MRAS: variants seen among roughly 807,000 people sequenced by gnomAD.
MRAS encodes muscle RAS oncogene homolog, also known as ras-related protein M-Ras.
A neutral mutation model predicts 20.9 loss-of-function variants in MRAS; 4 were observed. The observed-to-expected ratio is 0.19, with a 90% CI of 0.09 to 0.44. The LOEUF is 0.44. MRAS is among the 20% of genes least tolerant of loss of function. MRAS has a pLI of 0.99. For missense variants in MRAS, 154 were observed against 277.5 expected (o/e 0.56, Z 3.16); for synonymous variants, 98 against 102.9 (o/e 0.95, Z 0.29).
chr3:138,387,482 G>A (rs1276382043), intron 2 of MRAS, among the ~76,000 whole-genome samples: 1 of 152,184 alleles, frequency 6.6e-6, no homozygotes, highest in African/African-American at 2.4e-5. Context: ...AGACGGGCAT[G>A]GGTTCAAATC....
intron 1 of MRAS, among the ~76,000 whole-genome samples, chr3:138,370,069 C>T (rs1303640028): frequency 6.6e-6 from 1 of 152,188 alleles, no homozygotes; most frequent in Non-Finnish European, 1.5e-5. Flanking sequence ...CCTGTAATCC[C>T]AGCACTTTGG....
intron 2 of MRAS, among the ~76,000 whole-genome samples, chr3:138,384,625 G>A (rs147673394): frequency 5.9e-5 from 9 of 152,116 alleles, no homozygotes; most frequent in South Asian, 2.1e-4. Flanking sequence ...AGAAGTCAGG[G>A]TGGCAGCTGG....
intron 2 of MRAS, among the ~76,000 whole-genome samples, chr3:138,395,142 G>A (rs1285973299): frequency 6.6e-6 from 1 of 152,052 alleles, no homozygotes; most frequent in Non-Finnish European, 1.5e-5. Context: ...CTGGGTTCAA[G>A]TGATTCTCCT....
At chr3:138,382,489 G>A (rs1168278305) in intron 2 of MRAS, among the ~76,000 whole-genome samples, 1 of 152,220 alleles carries the variant, frequency 6.6e-6, no homozygotes, top group Admixed American at 6.5e-5. Context: ...TGCAGCCAGT[G>A]TACCTCAGTA....
intron 1 of MRAS, among the ~76,000 whole-genome samples, chr3:138,367,156 A>G (rs747339890): frequency 1.3e-4 from 20 of 152,072 alleles, no homozygotes; most frequent in Non-Finnish European, 2.4e-4. Context: ...GGGGCAAGGA[A>G]ATGGTTTAAA....
At chr3:138,372,842 A>C (rs2054703042) in intron 1 of MRAS, 24 bp from the exon 2 acceptor site, 1 of 1,467,182 alleles carries the variant, frequency 6.8e-7, no homozygotes, top group African/African-American at 1.5e-5. Flanking sequence ...CCTCTGTCTC[A>C]TTCCACATGT....
At chr3:138,385,366 C>T (rs1050218012) in intron 2 of MRAS, among the ~76,000 whole-genome samples, 1 of 150,666 alleles carries the variant, frequency 6.6e-6, no homozygotes, top group African/African-American at 2.4e-5. Context: ...AGACTGGTCT[C>T]AAACTCCAGG....
intron 2 of MRAS, among the ~76,000 whole-genome samples, chr3:138,391,393 C>A (rs1355500892): frequency 1.3e-5 from 2 of 152,102 alleles, no homozygotes; most frequent in African/African-American, 2.4e-5. Flanking sequence ...TGGCTAGATT[C>A]TCTTATACTC....
In MRAS at chr3:138,371,489, G is replaced by A. The variant is rs150060943; in HGVS notation, c.-18-1377G>A. ...CCCAAGTAGCGGCGGAGCACACAGG[G>A]CACCCAGTTCTTTGTCCTCCCTGCC... On this transcript the variant is annotated intron_variant, in intron 1 of 5. Transcript: ENST00000423968. Among the ~76,000 whole-genome samples, 114 of 152,270 alleles carry A rather than the reference G, an allele frequency of 7.5e-4. 1 individual carries two copies. In the East Asian group the frequency reaches 0.018, roughly 23 times the overall value.
At chr3:138,361,757 G>T (rs1222944483) in intron 1 of MRAS, among the ~76,000 whole-genome samples, 2 of 152,308 alleles carry the variant, frequency 1.3e-5, no homozygotes, top group East Asian at 3.9e-4. Flanking sequence ...GTGTGCAGAG[G>T]CTGGCCTTCC....
chr3:138,354,060 G>A (rs771330662), intron 1 of MRAS, among the ~76,000 whole-genome samples: 1 of 152,182 alleles, frequency 6.6e-6, no homozygotes, highest in African/African-American at 2.4e-5. Flanking sequence ...GTGGGCAAAG[G>A]CCTCATGAGG....
intron 1 of MRAS, among the ~76,000 whole-genome samples, chr3:138,367,134 A>T (rs778315253): frequency 3.3e-5 from 5 of 152,096 alleles, no homozygotes; most frequent in Non-Finnish European, 7.3e-5. Context: ...GCCCTTCCCT[A>T]GGGCTGTGGA....
chr3:138,364,162 A>G (rs1054123524), intron 1 of MRAS, among the ~76,000 whole-genome samples: 1 of 152,130 alleles, frequency 6.6e-6, no homozygotes, highest in Non-Finnish European at 1.5e-5. Flanking sequence ...CTGAGCCCCC[A>G]CACACATATC....
At chr3:138,373,515 T>C (rs1220768170) in intron 2 of MRAS, among the ~76,000 whole-genome samples, 1 of 152,228 alleles carries the variant, frequency 6.6e-6, no homozygotes, top group Non-Finnish European at 1.5e-5. Flanking sequence ...TCTGGATTAC[T>C]AGTTCTAAGT....
chr3:138,365,551 C>T (rs2054542086), intron 1 of MRAS, among the ~76,000 whole-genome samples: 1 of 152,088 alleles, frequency 6.6e-6, no homozygotes, highest in Non-Finnish European at 1.5e-5. Flanking sequence ...GTGATCCTGG[C>T]AGAGGAGTTG....
At chr3:138,397,191 A>T (rs1354682777) in intron 2 of MRAS, 133 bp from the exon 3 acceptor site, 4 of 1,054,780 alleles carry the variant, frequency 3.8e-6, no homozygotes, top group Non-Finnish European at 5.4e-6. Context: ...GAGAGAGCTT[A>T]TGCAGCCTCT....
At chr3:138,396,033 T>TG (rs2055228888) in intron 2 of MRAS, among the ~76,000 whole-genome samples, 1 of 152,146 alleles carries the variant, frequency 6.6e-6, no homozygotes, top group Non-Finnish European at 1.5e-5. Context: ...GGCATGGGGC[T>TG]GGGGTTGGTC....
chr3:138,390,656 C>T (rs2055114155), intron 2 of MRAS, among the ~76,000 whole-genome samples: 1 of 148,114 alleles, frequency 6.8e-6, no homozygotes, highest in Admixed American at 6.7e-5. Context: ...TGTGGCCGGG[C>T]ATTTGCAGGT....
intron 4 of MRAS, 154 bp from the exon 5 acceptor site, chr3:138,400,380 C>T: frequency 1.5e-6 from 1 of 676,750 alleles, no homozygotes; most frequent in South Asian, 1.8e-5. Context: ...GAGTGAAAAG[C>T]CCTAAATGAT....
Sources: gnomAD v4.1 joint callset for allele counts (sites outside exome capture counted in the v4.1 genomes callset) on GRCh38, gnomAD v4.1.1 for gene constraint, MANE v1.5 for transcripts, NCBI Gene and HGNC (gene_info 2026-07-23, HGNC 2026-07-21) for gene names.